Variants in PIMREG observed in about 807,000 individuals in gnomAD.
PIMREG encodes the protein PICALM interacting mitotic regulator, also known as protein PIMREG.
Under a neutral mutation model 24.3 loss-of-function variants are expected in PIMREG, and 19 were observed. The observed-to-expected ratio is 0.78, with a 90% CI of 0.54 to 1.15. PIMREG has a LOEUF of 1.15. Ranked by LOEUF, PIMREG falls within the 50% of genes most tolerant of loss-of-function variation. PIMREG has a pLI of 0.00. For synonymous variants in PIMREG, 112 were observed against 124.1 expected, an observed-to-expected ratio of 0.90 and a Z score of 0.65; for missense variants, 283 against 306.8, an observed-to-expected ratio of 0.92 and a Z score of 0.58.
rs1473119360 is a variant in PIMREG, at chr17:6,447,611, C to A, written c.443C>A (p.Pro148His). The A allele has an allele frequency of 3.1e-6, 5 of 1,614,058 alleles. No homozygotes were observed. Among genetic ancestry groups the A allele is most frequent in the Non-Finnish European group, 4.2e-6 (5 of 1,179,972 alleles). ...QKSTRLSGAA[P>H]AHSAADPWEK... ...AGCACCCGGCTGTCTGGAGCCGCCC[C>A]TGCCCACTCAGCCGCAGACCCCTGG... Residue 148 changes from proline (P) to histidine (H), a missense_variant, in exon 3 of 6, where the codon CCT becomes CAT. Pro to His is a moderately conservative substitution (Grantham distance 77). Transcript: ENST00000572447.
At chr17:6,447,788 T>TTCACCCC in intron 3 of PIMREG, 30 bp downstream of exon 3, 1 of 1,558,526 alleles carries the variant, frequency 6.4e-7, no homozygotes, top group East Asian at 2.3e-5. Flanking sequence ...ACCCCGGGGC[T>TTCACCCC]GGTGGCCTTT....
Position 6,450,439 on chromosome 17 carries a change from C to G in PIMREG, c.*92C>G. On this transcript the variant is annotated 3_prime_UTR_variant, in exon 6 of 6. Coordinates refer to ENST00000572447, the MANE Select transcript of PIMREG (RefSeq NM_019013.3). ...TCCCCGTGAGCTTCCTGGAAAAAACCCCCGGGAGTCGTCAGTACCCCTGGG... is the reference window on the plus strand; with the variant it reads ...TCCCCGTGAGCTTCCTGGAAAAAACGCCCGGGAGTCGTCAGTACCCCTGGG... 1 of 1,562,608 alleles carries G rather than the reference C, an allele frequency of 6.4e-7. No individual in the cohort carries two copies. The highest frequency in any genetic ancestry group is 8.6e-7 in the Non-Finnish European group (1 of 1,161,386).
Position 6,445,322 on chromosome 17 carries a change from G to A in PIMREG, c.212G>A (p.Arg71His), listed in dbSNP as rs1913531377. ...LNLRAGPSWK[R>H]LETPEPGQQG... Reference sequence around the variant, plus strand: ...CTCCGCGCAGGGCCCTCCTGGAAACGCCTGGAAACCCCAGAGCCAGGTCAG... The same window carrying A: ...CTCCGCGCAGGGCCCTCCTGGAAACACCTGGAAACCCCAGAGCCAGGTCAG... The change falls in exon 2 of 6, where the codon CGC (arginine) becomes CAC (histidine). Residue 71 changes from arginine (R) to histidine (H), a missense_variant. Physicochemically the swap from Arg to His is conservative, Grantham distance 29 (BLOSUM62 0). Transcript: ENST00000572447. 1 of 1,614,102 alleles carries A rather than the reference G, an allele frequency of 6.2e-7. No individual in the cohort carries two copies.
rs944983088 is a variant in PIMREG at position 6,449,426 on chromosome 17, C to T, written c.686+19C>T. The T allele has an allele frequency of 7.5e-6, 12 of 1,606,850 alleles. No homozygotes were observed. Among genetic ancestry groups the T allele is most frequent in the South Asian group, 6.6e-5 (6 of 90,388 alleles). On this transcript the variant is annotated intron_variant, in intron 4 of 5. Transcript: ENST00000572447. ...AAGAGAGGTGAGTTGGCATCCCATG[C>T]TTCAAAGTGAAGGGGCCGGGAGGGC... is the stretch of plus-strand genomic sequence containing the variant.
intron 5 of PIMREG, 80 bp from the exon 6 acceptor site, chr17:6,450,282 C>A: frequency 7.4e-7 from 1 of 1,353,792 alleles, no homozygotes. Flanking sequence ...TCCAGCACCC[C>A]CCACCCCGCA....
chr17:6,450,758 T>C lies in PIMREG; in HGVS notation c.*411T>C. On this transcript the variant is annotated 3_prime_UTR_variant, in exon 6 of 6. Coordinates refer to ENST00000572447, the MANE Select transcript of PIMREG (RefSeq NM_019013.3). The stretch of plus-strand genomic sequence containing the variant: ...TTTGGGGAGTCATCCGCAGAGTCAC[T>C]CACCCACTGTGTTTCTGGTGCCAAG... 7.4e-6 allele frequency: 2 copies of C among 271,324 alleles called. No individual in the cohort carries two copies. Among genetic ancestry groups the C allele is most frequent in the Non-Finnish European group, 1.4e-5 (2 of 143,934 alleles). The allele number at this position is 271,324 out of a possible 1,614,324, so 16.8% of individuals were successfully genotyped here. A position where few individuals can be genotyped will look rare whatever the true frequency, so the allele number is the denominator to read the frequency against.
At chr17:6,445,713 G>A (rs73978425) in intron 2 of PIMREG, among the ~76,000 whole-genome samples, 4,343 of 152,270 alleles carry the variant, frequency 0.029, 184 homozygotes, top group African/African-American at 0.095. Context: ...AAGCTTAGTC[G>A]GTGAAGGCTT....
intron 4 of PIMREG, 76 bp downstream of exon 4, chr17:6,449,483 T>G (rs557063344): frequency 2.9e-6 from 4 of 1,381,894 alleles, no homozygotes; most frequent in Non-Finnish European, 4.0e-6. Context: ...CAGGCGTTGG[T>G]TCTGCTCTGA....
At chr17:6,447,819 C>A (rs1913645038) in intron 3 of PIMREG, 61 bp downstream of exon 3, 1 of 1,505,164 alleles carries the variant, frequency 6.6e-7, no homozygotes, top group Non-Finnish European at 8.9e-7. Context: ...ACAATCCCTG[C>A]TGTCTGACCT....
Position 6,451,313 on chromosome 17 carries a change from C to A in PIMREG, c.*966C>A, listed in dbSNP as rs1913821615. On this transcript the variant is annotated 3_prime_UTR_variant, in exon 6 of 6. Transcript: ENST00000572447. ...AGTGACAACATTTGAGAGCTAAAAA[C>A]CAGCTCACATCAAAATCAAGACCCA... 1 of 152,194 alleles carries A rather than the reference C, an allele frequency of 6.6e-6. No individual in the cohort carries two copies. The highest frequency in any genetic ancestry group is 1.5e-5 in the Non-Finnish European group (1 of 68,026). 9.4% of individuals were successfully genotyped at this position (152,194 alleles called of 1,614,324 possible).
intron 3 of PIMREG, among the ~76,000 whole-genome samples, chr17:6,448,428 T>G (rs1459880556): frequency 6.6e-6 from 1 of 152,038 alleles, no homozygotes; most frequent in Non-Finnish European, 1.5e-5. Flanking sequence ...GGCTGTTGAA[T>G]TTTTCCCCAG....
chr17:6,450,483 T>TA lies in PIMREG; in HGVS notation c.*138dup. On this transcript the variant is annotated 3_prime_UTR_variant, in exon 6 of 6. Coordinates refer to ENST00000572447, the MANE Select transcript of PIMREG (RefSeq NM_019013.3). Reference sequence around the variant, plus strand: ...CCCTGGGCCACTGCTAACAAGCACCTAACAAGGGGCCCAGAGCCCCCTGCT... The same window carrying TA: ...CCCTGGGCCACTGCTAACAAGCACCTAAACAAGGGGCCCAGAGCCCCCTGCT... 7.3e-7 allele frequency: 1 copy of TA among 1,378,060 alleles called. No individual in the cohort carries two copies. Among genetic ancestry groups the TA allele is most frequent in the Non-Finnish European group, 9.9e-7 (1 of 1,009,704 alleles). The allele number at this position is 1,378,060 out of a possible 1,614,324, so 85.4% of individuals were successfully genotyped here.
intron 2 of PIMREG, 196 bp from the exon 3 acceptor site, chr17:6,447,267 G>T (rs990104913): frequency 1.8e-6 from 1 of 562,720 alleles, no homozygotes; most frequent in Admixed American, 3.1e-5. Context: ...ACCCGCCACC[G>T]CGCCTGGCTA....
Position 6,450,027 on chromosome 17 carries a change from G to A in PIMREG, c.687-1G>A. Reference sequence around the variant, plus strand: ...GCATCAATCCCTCCCCTTCTCTCTAGTGGTGACATCGTCTCTCTCATTCAT... The same window carrying A: ...GCATCAATCCCTCCCCTTCTCTCTAATGGTGACATCGTCTCTCTCATTCAT... On this transcript the variant is annotated splice_acceptor_variant, in intron 4 of 5. Coordinates refer to ENST00000572447, the MANE Select transcript of PIMREG (RefSeq NM_019013.3). LOFTEE classifies it high-confidence loss of function. The A allele has an allele frequency of 6.2e-7, 1 of 1,614,120 alleles. No individual in the cohort carries two copies. The highest frequency in any genetic ancestry group is 1.1e-5 in the South Asian group (1 of 91,086).
chr17:6,447,274 G>T (rs1567651254), intron 2 of PIMREG, 189 bp from the exon 3 acceptor site: 1 of 618,126 alleles, frequency 1.6e-6, no homozygotes, highest in Non-Finnish European at 2.8e-6. Flanking sequence ...ACCGCGCCTG[G>T]CTAATTTTTT....
chr17:6,447,531 G>T lies in PIMREG; in HGVS notation c.363G>T (p.Arg121=), dbSNP rs371506386. 4.3e-6 allele frequency: 7 copies of T among 1,614,052 alleles called. No homozygotes were observed. The highest frequency in any genetic ancestry group is 1.1e-5 in the South Asian group (1 of 91,086). The part of the protein sequence containing the change: ...LVETQVKARR[R]KRGAQKGSGS... ...AGACCCAGGTGAAGGCCAGGAGGCG[G>T]AAGAGAGGAGCACAGAAGGGCAGTG... The change falls in exon 3 of 6, where the codon CGG becomes CGT. Residue 121 remains arginine (R), a synonymous_variant. Coordinates refer to ENST00000572447, the MANE Select transcript of PIMREG (RefSeq NM_019013.3).
intron 2 of PIMREG, 23 bp downstream of exon 2, chr17:6,445,427 T>A: frequency 6.3e-7 from 1 of 1,580,692 alleles, no homozygotes. Context: ...ACACTAATCA[T>A]CTTTTTTATG....
At position 6,449,361 on chromosome 17, in the gene PIMREG, C is replaced by T; in HGVS notation, c.640C>T (p.Gln214Ter). Residue 214 changes from glutamine to a stop codon, truncating the protein, a stop_gained, in exon 4 of 6, where the codon CAG becomes TAG. Transcript: ENST00000572447. LOFTEE classifies it high-confidence loss of function. ...EPVGAGIQHL[Q>*]KLSQELDEAI... ...TGTGGGGGCGGGAATTCAGCATCTC[C>T]AGAAGCTGTCCCAAGAGCTAGATGA... is the stretch of plus-strand genomic sequence containing the variant. 6.2e-7 allele frequency: 1 copy of T among 1,613,682 alleles called. No homozygotes were observed.
At chr17:6,449,287 T>G in intron 3 of PIMREG, 25 bp from the exon 4 acceptor site, 5 of 1,595,656 alleles carry the variant, frequency 3.1e-6, no homozygotes, top group Non-Finnish European at 4.3e-6. Context: ...AACTAGTCAC[T>G]GGTGTGGCTT....
Sources: allele counts gnomAD v4.1 joint callset (sites outside exome capture counted in the v4.1 genomes callset), GRCh38; gene constraint gnomAD v4.1.1; transcripts MANE v1.5; gene names NCBI Gene and HGNC (gene_info 2026-07-23, HGNC 2026-07-21).